The following IFT80 variants were observed in gnomAD, a reference collection of about 807,000 sequenced individuals.
IFT80 encodes intraflagellar transport 80, also known as intraflagellar transport protein 80 homolog.
A neutral mutation model predicts 107.9 loss-of-function variants in IFT80; 79 were observed. That is an observed-to-expected ratio of 0.73 (90% CI 0.61 to 0.88). The LOEUF is 0.88. Ranked by LOEUF, IFT80 falls within the 40% of genes least tolerant of loss-of-function variation. The pLI, the probability that IFT80 is intolerant of heterozygous loss-of-function variation, is 0.00. For synonymous variants in IFT80, 299 were observed against 300.9 expected (o/e 0.99, Z 0.07); for missense variants, 797 against 914.2 (o/e 0.87, Z 1.65).
In IFT80 at chr3:160,375,447, T is replaced by C. The variant is rs541271117; in HGVS notation, c.439+365A>G. Among the ~76,000 whole-genome samples, 209 of 152,252 alleles carry C rather than the reference T, an allele frequency of 1.4e-3. 1 individual carries two copies. Among genetic ancestry groups the C allele is most frequent in the Non-Finnish European group, 2.0e-3 (139 of 67,990 alleles). ...CGGGGATTTTTAAGTAAGGAGATACTCAATATCTTTTCGTACTATGATTTA... is the reference window on the plus strand; with the variant it reads ...CGGGGATTTTTAAGTAAGGAGATACCCAATATCTTTTCGTACTATGATTTA... On this transcript the variant is annotated intron_variant, in intron 5 of 19. Transcript: ENST00000326448.
intron 8 of IFT80, among the ~76,000 whole-genome samples, chr3:160,321,679 A>T (rs1718230251): frequency 6.6e-6 from 1 of 152,014 alleles, no homozygotes; most frequent in African/African-American, 2.4e-5. Context: ...AATATACCAT[A>T]GTAAAAGTTA....
Position 160,258,220 on chromosome 3 carries a change from G to A in IFT80, c.*305C>T, listed in dbSNP as rs1559904610. The A allele has an allele frequency of 5.6e-6, 2 of 354,744 alleles. No homozygotes were observed. Among genetic ancestry groups the A allele is most frequent in the South Asian group, 7.1e-5 (2 of 28,000 alleles). The allele number at this position is 354,744 out of a possible 1,614,324, so 22.0% of individuals were successfully genotyped here. The stretch of plus-strand genomic sequence containing the variant: ...TGTTTTATTATCGACATTAATATTT[G>A]TTCATGCTGAAGATTTAGGGATGAA... On this transcript the variant is annotated 3_prime_UTR_variant, in exon 20 of 20. Transcript: ENST00000326448.
At chr3:160,265,192 A>G (rs1713207917) in intron 19 of IFT80, among the ~76,000 whole-genome samples, 2 of 152,222 alleles carry the variant, frequency 1.3e-5, no homozygotes, top group South Asian at 4.1e-4. Context: ...AACACTGTCT[A>G]CAGGAGGCAC....
chr3:160,358,293 G>GT (rs1721244865), intron 6 of IFT80, among the ~76,000 whole-genome samples: 1 of 149,272 alleles, frequency 6.7e-6, no homozygotes, highest in Non-Finnish European at 1.5e-5. Context: ...GATTACAGGC[G>GT]TGAGCCACCA....
At chr3:160,320,813 A>C (rs1718158062) in intron 8 of IFT80, among the ~76,000 whole-genome samples, 1 of 151,768 alleles carries the variant, frequency 6.6e-6, no homozygotes, top group African/African-American at 2.4e-5. Context: ...TTTTTCCAGA[A>C]ATACTCATTA....
chr3:160,273,079 C>G (rs1293717080), intron 18 of IFT80, among the ~76,000 whole-genome samples: 2 of 152,150 alleles, frequency 1.3e-5, no homozygotes, highest in African/African-American at 4.8e-5. Context: ...ACTTAATTAT[C>G]TGTTGAATGA....
intron 8 of IFT80, among the ~76,000 whole-genome samples, chr3:160,323,705 A>G (rs991936080): frequency 1.3e-5 from 2 of 152,154 alleles, no homozygotes; most frequent in African/African-American, 4.8e-5. Context: ...CCCTAACATC[A>G]CAATTAAAAG....
chr3:160,293,881 C>T (rs1715765204), intron 12 of IFT80, among the ~76,000 whole-genome samples: 1 of 152,126 alleles, frequency 6.6e-6, no homozygotes, highest in African/African-American at 2.4e-5. Flanking sequence ...AATCAAACCC[C>T]AAAAGTATTC....
At chr3:160,298,744 C>G (rs996743838) in intron 12 of IFT80, among the ~76,000 whole-genome samples, 2 of 152,100 alleles carry the variant, frequency 1.3e-5, no homozygotes. Flanking sequence ...GACAATATAA[C>G]TTACTATGCA....
chr3:160,323,323 G>A (rs371038803), intron 8 of IFT80, among the ~76,000 whole-genome samples: 1 of 149,610 alleles, frequency 6.7e-6, no homozygotes, highest in Admixed American at 6.7e-5. Flanking sequence ...TTTTTCTCAG[G>A]TTTGTCAAAG....
intron 12 of IFT80, 55 bp downstream of exon 12, chr3:160,300,828 T>C (rs1716363826): frequency 2.9e-6 from 4 of 1,388,456 alleles, no homozygotes; most frequent in Admixed American, 1.9e-5. Context: ...TGTGAAAATT[T>C]TATAGTGTTA....
intron 1 of IFT80, among the ~76,000 whole-genome samples, chr3:160,392,706 G>T (rs1428598614): frequency 6.6e-6 from 1 of 152,134 alleles, no homozygotes; most frequent in African/African-American, 2.4e-5. Context: ...AATTACTACA[G>T]CAGCTTCCTA....
At chr3:160,397,752 G>A (rs536298509) in intron 1 of IFT80, among the ~76,000 whole-genome samples, 23 of 113,824 alleles carry the variant, frequency 2.0e-4, no homozygotes, top group East Asian at 1.6e-3. Flanking sequence ...ACGCAGTTTC[G>A]CTCTTGTTGC....
At chr3:160,259,294 G>T (rs1377452881) in intron 19 of IFT80, among the ~76,000 whole-genome samples, 1 of 152,190 alleles carries the variant, frequency 6.6e-6, no homozygotes, top group Non-Finnish European at 1.5e-5. Context: ...GTGTACACGT[G>T]CTCAGGGACA....
At chr3:160,327,305 C>T (rs1718742010) in intron 8 of IFT80, among the ~76,000 whole-genome samples, 1 of 152,058 alleles carries the variant, frequency 6.6e-6, no homozygotes, top group Non-Finnish European at 1.5e-5. Context: ...TGATATTCTT[C>T]ACAGAAATAG....
Position 160,375,845 on chromosome 3 carries a change from T to G in IFT80, c.406A>C (p.Thr136Pro), listed in dbSNP as rs1302249934. 1.2e-6 allele frequency: 2 copies of G among 1,611,934 alleles called. No individual in the cohort carries two copies. The highest frequency in any genetic ancestry group is 2.7e-5 in the African/African-American group (2 of 74,842). Reference sequence around the variant, plus strand: ...GCTAAAGTTGATCTAAGCATCCCAGTCTTTGACCAAATTTTTATTTGTCCA... The same window carrying G: ...GCTAAAGTTGATCTAAGCATCCCAGGCTTTGACCAAATTTTTATTTGTCCA... ...EDGQIKIWSK[T>P]GMLRSTLAQQ... Residue 136 changes from threonine (T) to proline (P), a missense_variant, in exon 5 of 20, where the codon ACT (threonine) becomes CCT (proline). Coordinates refer to ENST00000326448, the MANE Select transcript of IFT80 (RefSeq NM_020800.3).
chr3:160,325,329 C>T (rs1718604874), intron 8 of IFT80, among the ~76,000 whole-genome samples: 1 of 152,116 alleles, frequency 6.6e-6, no homozygotes, highest in African/African-American at 2.4e-5. Flanking sequence ...CTAAGTCAAT[C>T]CTAAGCCTAA....
chr3:160,395,893 C>T lies in IFT80; in HGVS notation c.-47+3253G>A, dbSNP rs567477756. On this transcript the variant is annotated intron_variant, in intron 1 of 19. Transcript: ENST00000326448. ...CACTTGTAATCAACAGGCTCCTATC[C>T]TAGATATTACTGTAATTATTTCTTC... Among the ~76,000 whole-genome samples the T allele has an allele frequency of 1.9e-4, 29 of 152,226 alleles. 1 individual carries two copies. Among genetic ancestry groups the T allele is most frequent in the African/African-American group, 6.7e-4 (28 of 41,550 alleles).
At chr3:160,295,984 G>A (rs1432104016) in intron 12 of IFT80, among the ~76,000 whole-genome samples, 1 of 152,138 alleles carries the variant, frequency 6.6e-6, no homozygotes, top group Non-Finnish European at 1.5e-5. Context: ...CCAGTTGCCA[G>A]AGGCAGCAGG....
Sources: gnomAD v4.1 joint callset for allele counts (sites outside exome capture counted in the v4.1 genomes callset) on GRCh38, gnomAD v4.1.1 for gene constraint, MANE v1.5 for transcripts, NCBI Gene and HGNC (gene_info 2026-07-23, HGNC 2026-07-21) for gene names.